Variants in OTOGL observed in about 807,000 individuals in gnomAD.
OTOGL encodes otogelin like.
Under a neutral mutation model 318.5 loss-of-function variants are expected in OTOGL, and 285 were observed. The ratio of observed to expected loss-of-function variants is 0.89; its 90% CI spans 0.81 to 0.99. The LOEUF (loss-of-function observed/expected upper bound fraction) is 0.99. Ranked by LOEUF, OTOGL falls within the 50% of genes least tolerant of loss-of-function variation. The pLI is 0.00. For synonymous variants in OTOGL, 987 were observed against 936.5 expected (o/e 1.05, Z -0.99); for missense variants, 2,899 against 2,845.6 (o/e 1.02, Z -0.43).
At chr12:80,296,172 A>G (rs1000675968) in intron 26 of OTOGL, among the ~76,000 whole-genome samples, 2 of 152,230 alleles carry the variant, frequency 1.3e-5, no homozygotes, top group African/African-American at 4.8e-5. Context: ...CATCAAGACA[A>G]ACAAAACAGA....
chr12:80,277,683 A>G (rs1030872932), intron 24 of OTOGL, among the ~76,000 whole-genome samples: 3 of 151,518 alleles, frequency 2.0e-5, no homozygotes, highest in African/African-American at 7.2e-5. Context: ...CACCTAAGTT[A>G]AACTCTCCTG....
chr12:80,257,764 A>G, intron 17 of OTOGL, 61 bp from the exon 18 acceptor site: 1 of 1,341,854 alleles, frequency 7.5e-7, no homozygotes, highest in Middle Eastern at 1.9e-4. Context: ...GGTGTACCCT[A>G]GCATTTCAGA....
rs775176500 is a variant in OTOGL at position 80,229,279 on chromosome 12, T to G, written c.512T>G (p.Leu171Arg). ...TVWVHNSPKC[L>R]GSVYSCYRSI... ...AAGGTTCATAACAGCCCTAAATGCCTTGGTTCGGTGTATTCTTGTTATCGG... is the reference window on the plus strand; with the variant it reads ...AAGGTTCATAACAGCCCTAAATGCCGTGGTTCGGTGTATTCTTGTTATCGG... Residue 171 changes from leucine to arginine, a missense_variant, in exon 8 of 59, where the codon CTT becomes CGT. Leu to Arg is a moderately radical substitution (Grantham distance 102). Around this residue, in one of 3 missense-constraint regions of OTOGL, gnomAD observed 2,607 missense variants for 2,524.9 expected, o/e 1.03. Coordinates refer to ENST00000547103, the MANE Select transcript of OTOGL (RefSeq NM_001378609.3). 3 of 1,597,916 alleles carry G rather than the reference T, an allele frequency of 1.9e-6. No homozygotes were observed. In the African/African-American group the frequency reaches 4.0e-5, roughly 21 times the overall value.
intron 1 of OTOGL, among the ~76,000 whole-genome samples, chr12:80,119,619 C>T (rs993529658): frequency 1.4e-4 from 22 of 152,170 alleles, no homozygotes; most frequent in Non-Finnish European, 1.9e-4. Flanking sequence ...CCTTTCCCAT[C>T]AGAGTTAGTG....
chr12:80,105,663 T>G (rs975801230), intron 1 of OTOGL, among the ~76,000 whole-genome samples: 4 of 152,208 alleles, frequency 2.6e-5, no homozygotes, highest in African/African-American at 9.6e-5. Context: ...ACCTTAATGT[T>G]AATACAATAA....
chr12:80,207,021 G>A (rs912123041), intron 1 of OTOGL, among the ~76,000 whole-genome samples: 1 of 152,064 alleles, frequency 6.6e-6, no homozygotes, highest in African/African-American at 2.4e-5. Context: ...AAGTACATAC[G>A]AATACCAAAG....
chr12:80,302,594 C>G (rs770211323), intron 27 of OTOGL, 40 bp from the exon 28 acceptor site: 1 of 1,228,398 alleles, frequency 8.1e-7, no homozygotes, highest in Non-Finnish European at 1.0e-6. Flanking sequence ...GGTTAGAGAA[C>G]TTACTACTCA....
chr12:80,357,861 G>T (rs1292807087), intron 49 of OTOGL, among the ~76,000 whole-genome samples: 1 of 152,102 alleles, frequency 6.6e-6, no homozygotes, highest in Non-Finnish European at 1.5e-5. Context: ...AGGTGGGACG[G>T]CATGTTGAAG....
At chr12:80,241,347 AC>A (rs1448553900) in intron 11 of OTOGL, among the ~76,000 whole-genome samples, 1 of 152,126 alleles carries the variant, frequency 6.6e-6, no homozygotes, top group African/African-American at 2.4e-5. Context: ...CCTTGAAAGA[AC>A]CCCCACTCTG....
At chr12:80,191,445 T>TA (rs1416949828) in intron 1 of OTOGL, among the ~76,000 whole-genome samples, 2 of 151,758 alleles carry the variant, frequency 1.3e-5, no homozygotes, top group Admixed American at 6.6e-5. Flanking sequence ...AATAAATAAA[T>TA]AAAAAAAATA....
At chr12:80,340,405 T>C (rs1042317551) in intron 43 of OTOGL, among the ~76,000 whole-genome samples, 3 of 152,200 alleles carry the variant, frequency 2.0e-5, no homozygotes, top group African/African-American at 7.2e-5. Flanking sequence ...ATTGAGTATA[T>C]GTACTAAATC....
chr12:80,137,104 C>T (rs1231357698), intron 1 of OTOGL, among the ~76,000 whole-genome samples: 3 of 152,130 alleles, frequency 2.0e-5, no homozygotes, highest in Non-Finnish European at 2.9e-5. Flanking sequence ...TCTCCAACAA[C>T]AAGACAGAGC....
At chr12:80,263,000 T>C (rs1439932310) in intron 19 of OTOGL, among the ~76,000 whole-genome samples, 1 of 152,184 alleles carries the variant, frequency 6.6e-6, no homozygotes, top group African/African-American at 2.4e-5. Flanking sequence ...ATTCTGTTGA[T>C]TGCCATATTG....
intron 9 of OTOGL, 74 bp from the exon 10 acceptor site, chr12:80,238,777 A>G: frequency 7.5e-7 from 1 of 1,330,024 alleles, no homozygotes; most frequent in Non-Finnish European, 9.6e-7. Context: ...GTGTTGAAGA[A>G]CCATGTCTGT....
intron 1 of OTOGL, among the ~76,000 whole-genome samples, chr12:80,116,340 G>T (rs993148737): frequency 6.6e-6 from 1 of 151,846 alleles, no homozygotes; most frequent in South Asian, 2.1e-4. Context: ...AGGTGAGGTC[G>T]TGCCCCATCC....
At chr12:80,193,912 C>T (rs765249344) in intron 1 of OTOGL, among the ~76,000 whole-genome samples, 5 of 152,318 alleles carry the variant, frequency 3.3e-5, no homozygotes, top group Non-Finnish European at 5.9e-5. Context: ...CCTCATTTTA[C>T]AAAAGAAGAT....
At chr12:80,351,531 G>A (rs1294079765) in intron 44 of OTOGL, among the ~76,000 whole-genome samples, 3 of 152,038 alleles carry the variant, frequency 2.0e-5, no homozygotes, top group African/African-American at 4.8e-5. Flanking sequence ...GGCCAGGATG[G>A]TGTCAATCTC....
intron 57 of OTOGL, among the ~76,000 whole-genome samples, chr12:80,374,240 T>C (rs981049705): frequency 5.3e-5 from 8 of 152,148 alleles, no homozygotes; most frequent in African/African-American, 1.9e-4. Context: ...TTGTTTTTCC[T>C]GTATGTGTGT....
At chr12:80,216,105 C>T (rs192836333) in intron 4 of OTOGL, among the ~76,000 whole-genome samples, 21 of 152,116 alleles carry the variant, frequency 1.4e-4, no homozygotes, top group Non-Finnish European at 8.8e-5. Context: ...ACTTTGAGTC[C>T]AGGAGTTAAG....
Sources: allele counts gnomAD v4.1 joint callset (sites outside exome capture counted in the v4.1 genomes callset), GRCh38; gene constraint gnomAD v4.1.1; regional missense constraint gnomAD v4.1.1; transcripts MANE v1.5; gene names NCBI Gene and HGNC (gene_info 2026-07-23, HGNC 2026-07-21).